The following SMPD4 variants were observed in gnomAD, a reference collection of about 807,000 sequenced individuals.
The protein encoded by SMPD4 is sphingomyelin phosphodiesterase 4.
Under a neutral mutation model 97.8 loss-of-function variants are expected in SMPD4, and 58 were observed. The ratio of observed to expected loss-of-function variants is 0.59; its 90% CI spans 0.48 to 0.74. The LOEUF is 0.74. Ranked by LOEUF, SMPD4 falls within the 30% of genes least tolerant of loss-of-function variation. SMPD4 has a pLI of 0.00. For synonymous variants in SMPD4, 388 were observed against 450.0 expected (o/e 0.86, Z 1.74); for missense variants, 853 against 1,080.5 (o/e 0.79, Z 2.95).
At chr2:130,154,762 A>G in intron 15 of SMPD4, 2 of 582,282 alleles carry the variant, frequency 3.4e-6, no homozygotes, top group Non-Finnish European at 6.1e-6. Flanking sequence ...GGATGAATGC[A>G]AGGCAGAGAC....
intron 9 of SMPD4, among the ~76,000 whole-genome samples, chr2:130,166,630 T>C (rs1429572421): frequency 6.6e-6 from 1 of 152,234 alleles, no homozygotes; most frequent in Non-Finnish European, 1.5e-5. Flanking sequence ...AGCAAGGCTG[T>C]GGCTACCAAG....
chr2:130,153,563 G>T, intron 17 of SMPD4, 113 bp from the exon 18 acceptor site: 1 of 1,574,062 alleles, frequency 6.4e-7, no homozygotes, highest in Non-Finnish European at 8.6e-7. Context: ...GACGCTCGGG[G>T]TGTGGGCCTG....
rs1686824501 is a variant in SMPD4, at chr2:130,156,603, C to T, written c.1170G>A (p.Leu390=). The T allele has an allele frequency of 6.2e-7, 1 of 1,613,644 alleles. No homozygotes were observed. Among genetic ancestry groups the T allele is most frequent in the African/African-American group, 1.3e-5 (1 of 74,922 alleles). The change falls in exon 13 of 20, where the codon CTG becomes CTA. Residue 390 remains leucine (L), a synonymous_variant. Transcript: ENST00000680298. ...FLQHCFGHWP[L]DASFRAVLEM... is the part of the protein sequence containing the mutation. ...CACTCACAGCTCTGAACGATGCGTC[C>T]AGGGGCCAGTGGCCAAAGCAATGCT... is the stretch of plus-strand genomic sequence containing the variant.
At chr2:130,181,190 C>T in intron 1 of SMPD4, 1 of 1,032,074 alleles carries the variant, frequency 9.7e-7, no homozygotes, top group South Asian at 2.7e-5. Flanking sequence ...GACCCACACC[C>T]GGCTCTTACA....
intron 13 of SMPD4, 137 bp from the exon 14 acceptor site, chr2:130,156,272 A>G: frequency 1.3e-6 from 1 of 781,818 alleles, no homozygotes; most frequent in Non-Finnish European, 2.1e-6. Context: ...AGACATGCAC[A>G]GCCCTGTGAG....
At chr2:130,170,458 C>CAA (rs556058599) in intron 8 of SMPD4, among the ~76,000 whole-genome samples, 27 of 64,678 alleles carry the variant, frequency 4.2e-4, no homozygotes, top group Non-Finnish European at 7.6e-4. Context: ...AAGACCCTGT[C>CAA]AAAAAAAAAA....
At position 130,156,628 on chromosome 2, in the gene SMPD4, T is replaced by C; in HGVS notation, c.1145A>G (p.Gln382Arg). The part of the protein sequence containing the change: ...FVQQKLYLFL[Q>R]HCFGHWPLDA... ...CAGGGGCCAGTGGCCAAAGCAATGC[T>C]GCAAGAAGAGGTAGAGTTTCTGCTG... Residue 382 changes from glutamine (Q) to arginine (R), a missense_variant, in exon 13 of 20, where the codon CAG becomes CGG. Gln to Arg is a conservative substitution (Grantham distance 43). Transcript: ENST00000680298. 3 of 1,613,996 alleles carry C rather than the reference T, an allele frequency of 1.9e-6. No individual in the cohort carries two copies. The highest frequency in any genetic ancestry group is 2.5e-6 in the Non-Finnish European group (3 of 1,179,962).
At chr2:130,177,066 C>T (rs200538282) in intron 1 of SMPD4, among the ~76,000 whole-genome samples, 1,883 of 125,456 alleles carry the variant, frequency 0.015, no homozygotes, top group East Asian at 0.072. Flanking sequence ...ACACACATTA[C>T]ATTGCCAATT....
chr2:130,173,563 G>A lies in SMPD4; in HGVS notation c.220C>T (p.Arg74Cys), dbSNP rs747933147. Residue 74 changes from arginine to cysteine, a missense_variant, in exon 4 of 20, where the codon CGC becomes TGC. Arg to Cys is a radical substitution (Grantham distance 180). This residue lies in a region of SMPD4 where 313 missense variants were observed against 402.2 expected (regional missense o/e 0.78). Transcript: ENST00000680298. ...ATGCTGTACTCCACAGGATTCACGC[G>A]CCCCTGTAAGCAGCGGAGGTTCCAG... ...VGWNLRCLQG[R>C]VNPVEYSIVM... The A allele has an allele frequency of 6.2e-6, 10 of 1,613,414 alleles. No individual in the cohort carries two copies. Among genetic ancestry groups the A allele is most frequent in the Admixed American group, 1.7e-5 (1 of 59,936 alleles).
rs957789471 is a variant in SMPD4, at chr2:130,151,518, C to T, written c.*1037G>A. ...GTTTACATCAAAATACAAAGCCCAA[C>T]ATTTACAATTTCAAAAACATTAAAG... On this transcript the variant is annotated 3_prime_UTR_variant, in exon 20 of 20. Coordinates refer to ENST00000680298, the MANE Select transcript of SMPD4 (RefSeq NM_017951.5). The T allele has an allele frequency of 2.7e-5, 4 of 147,578 alleles. No homozygotes were observed. The highest frequency in any genetic ancestry group is 1.0e-4 in the African/African-American group (4 of 39,112). The allele number at this position is 147,578 out of a possible 1,614,324, so 9.1% of individuals were successfully genotyped here.
intron 1 of SMPD4, among the ~76,000 whole-genome samples, chr2:130,178,561 G>A (rs770946316): frequency 4.1e-4 from 63 of 152,122 alleles, no homozygotes; most frequent in Non-Finnish European, 6.0e-4. Context: ...TTGGGAGGCC[G>A]CGGTGGGCAG....
rs745999910 is a variant in SMPD4, at chr2:130,153,809, T to G, written c.1786A>C (p.Asn596His). Reference sequence around the variant, plus strand: ...AGGTCGTTGGCTGTGTAGGAGCCATTGGTGTCCATGGAGCTAAAGCCCAGC... The same window carrying G: ...AGGTCGTTGGCTGTGTAGGAGCCATGGGTGTCCATGGAGCTAAAGCCCAGC... ...SWLGFSSMDTNGSYTANDLDE... is the reference protein window; with the variant it reads ...SWLGFSSMDTHGSYTANDLDE... The change falls in exon 17 of 20, where the codon AAT becomes CAT. Residue 596 changes from asparagine (N) to histidine (H), a missense_variant. Coordinates refer to ENST00000680298, the MANE Select transcript of SMPD4 (RefSeq NM_017951.5). 2.1e-5 allele frequency: 34 copies of G among 1,613,876 alleles called. No individual in the cohort carries two copies. The highest frequency in any genetic ancestry group is 2.8e-5 in the Non-Finnish European group (33 of 1,179,878).
intron 10 of SMPD4, 118 bp from the exon 11 acceptor site, chr2:130,161,390 A>T: frequency 1.3e-6 from 1 of 763,688 alleles, no homozygotes; most frequent in Non-Finnish European, 2.3e-6. Context: ...AGAGAAAGAA[A>T]GCAATGAGAA....
intron 8 of SMPD4, among the ~76,000 whole-genome samples, chr2:130,169,887 G>A (rs1410404041): frequency 6.6e-6 from 1 of 152,136 alleles, no homozygotes; most frequent in Non-Finnish European, 1.5e-5. Context: ...AAACTTATCT[G>A]TAAATCTGAA....
At position 130,161,478 on chromosome 2, in the gene SMPD4, C is replaced by T. The variant is rs1260778242; in HGVS notation, c.865-206G>A. On this transcript the variant is annotated intron_variant, in intron 10 of 19. Coordinates refer to ENST00000680298, the MANE Select transcript of SMPD4 (RefSeq NM_017951.5). ...TCCAAACAATTGCAGTCCCAGCAGC[C>T]GCGGGCCAGCGCAGCACCCCCCTCC... 3.3e-5 allele frequency among the ~76,000 whole-genome samples: 5 copies of T among 152,278 alleles called. No homozygotes were observed. The East Asian group carries it at 9.7e-4, about 29-fold the overall frequency.
chr2:130,153,969 A>T, intron 16 of SMPD4, 34 bp from the exon 17 acceptor site: 1 of 1,595,784 alleles, frequency 6.3e-7, no homozygotes, highest in Non-Finnish European at 8.5e-7. Flanking sequence ...CACCAGCAGG[A>T]CAGGCCTGTG....
Position 130,181,590 on chromosome 2 carries a change from G to A in SMPD4, c.-106C>T, listed in dbSNP as rs146359515. The A allele has an allele frequency of 7.5e-6, 12 of 1,603,700 alleles. No individual in the cohort carries two copies. The highest frequency in any genetic ancestry group is 4.5e-5 in the East Asian group (2 of 44,470). On this transcript the variant is annotated 5_prime_UTR_variant, in exon 1 of 20. Coordinates refer to ENST00000680298, the MANE Select transcript of SMPD4 (RefSeq NM_017951.5). ...GAAGCCGCCATTCCGCCACGGCGCCGAAAGTCGTCATCAAGCTGCGCGCAG... is the reference window on the plus strand; with the variant it reads ...GAAGCCGCCATTCCGCCACGGCGCCAAAAGTCGTCATCAAGCTGCGCGCAG...
chr2:130,166,204 G>A (rs1196849306), intron 9 of SMPD4, among the ~76,000 whole-genome samples: 1 of 151,446 alleles, frequency 6.6e-6, no homozygotes, highest in Non-Finnish European at 1.5e-5. Context: ...AGCTACTCGG[G>A]GGGCTGAGGC....
At chr2:130,178,768 C>T (rs1379672511) in intron 1 of SMPD4, among the ~76,000 whole-genome samples, 1 of 148,658 alleles carries the variant, frequency 6.7e-6, no homozygotes, top group East Asian at 2.0e-4. Flanking sequence ...GCACTCTAGC[C>T]GGGGTGATAG....
Sources: gnomAD v4.1 joint callset for allele counts (sites outside exome capture counted in the v4.1 genomes callset) on GRCh38, gnomAD v4.1.1 for gene constraint, gnomAD v4.1.1 regional missense constraint, MANE v1.5 for transcripts, NCBI Gene and HGNC (gene_info 2026-07-23, HGNC 2026-07-21) for gene names.